Variants in KCNC3 observed in about 807,000 individuals in gnomAD.
KCNC3 encodes voltage-gated potassium channel KCNC3.
In KCNC3, 22 loss-of-function variants were observed where a neutral mutation model predicts 43.9. The observed-to-expected ratio is 0.50, with a 90% CI of 0.36 to 0.72. The LOEUF (loss-of-function observed/expected upper bound fraction) is 0.72, where lower values mean the gene tolerates loss of function less well. Among genes scored for constraint, KCNC3 ranks in the 30% least tolerant of loss-of-function variants. KCNC3 has a pLI of 0.00. For synonymous variants in KCNC3, 492 were observed against 488.0 expected, an observed-to-expected ratio of 1.01 and a Z score of -0.11; for missense variants, 829 against 1,073.8, an observed-to-expected ratio of 0.77 and a Z score of 3.19.
upstream of KCNC3, among the ~76,000 whole-genome samples, chr19:50,332,899 C>T (rs1440647562): frequency 2.6e-5 from 4 of 152,156 alleles, no homozygotes; most frequent in Admixed American, 6.5e-5. This position sits in a 1 kb window ranked among gnomAD's most constrained non-coding sequence, Gnocchi z 5.8. Context: ...GGTCTTCCCT[C>T]CCTGACTTCT....
chr19:50,312,881 A>T lies in KCNC3; in HGVS notation c.*3234T>A, dbSNP rs916235663. On this transcript the variant is annotated 3_prime_UTR_variant, in exon 5 of 5. Transcript: ENST00000477616. ...CCTAGCCCTTTGCCCCGCCCCCACC[A>T]AAACCCGCCCCACCCCTCACCCCTG... 7.0e-6 allele frequency: 1 copy of T among 143,508 alleles called. No homozygotes were observed. Among genetic ancestry groups the T allele is most frequent in the Non-Finnish European group, 1.6e-5 (1 of 63,974 alleles). The allele number at this position is 143,508 out of a possible 1,614,324, so 8.9% of individuals were successfully genotyped here.
At chr19:50,330,393 G>C (rs2037173909), upstream of KCNC3, among the ~76,000 whole-genome samples, 1 of 152,148 alleles carries the variant, frequency 6.6e-6, no homozygotes, top group Non-Finnish European at 1.5e-5. Context: ...GCAGGGCTAA[G>C]GGAGGGTAGA....
rs943228315 is a variant in KCNC3 at position 50,315,020 on chromosome 19, G to T, written c.*1095C>A. 2 of 250,552 alleles carry T rather than the reference G, an allele frequency of 8.0e-6. No individual in the cohort carries two copies. The highest frequency in any genetic ancestry group is 1.7e-4 in the East Asian group (1 of 6,042). 15.5% of individuals were successfully genotyped at this position (250,552 alleles called of 1,614,324 possible). ...GGGGTGGGGAGGTGTGCAGACACAG[G>T]GGGGAAGCACGAAGATGGGGTGCAG... On this transcript the variant is annotated 3_prime_UTR_variant, in exon 5 of 5. Transcript: ENST00000477616.
intron 4 of KCNC3, among the ~76,000 whole-genome samples, chr19:50,317,085 T>A (rs983832067): frequency 9.8e-5 from 13 of 131,982 alleles, no homozygotes; most frequent in Non-Finnish European, 1.9e-4. Flanking sequence ...GGGGCCCCTC[T>A]AGACCTGGGG....
At chr19:50,320,818 G>T (rs376680289) in intron 2 of KCNC3, 34 bp from the exon 3 acceptor site, 2 of 1,607,374 alleles carry the variant, frequency 1.2e-6, no homozygotes, top group South Asian at 2.2e-5. Context: ...GAGAGACAAA[G>T]GAGAGAGTGA....
chr19:50,323,260 G>T lies in KCNC3; in HGVS notation c.1693C>A (p.Arg565=), dbSNP rs750349505. 4 of 1,603,126 alleles carry T rather than the reference G, an allele frequency of 2.5e-6. No individual in the cohort carries two copies. In the East Asian group the frequency reaches 6.7e-5, roughly 27 times the overall value. ...LPKKKNKHIP[R]PPQPGSPNYC... The stretch of plus-strand genomic sequence containing the variant: ...TTGGGCGAGCCCGGTTGCGGGGGCC[G>T]GGGGATGTGTTTGTTCTTCTTCTTG... Residue 565 remains arginine (R), a synonymous_variant, in exon 2 of 5, where the codon CGG becomes AGG. Transcript: ENST00000477616.
At chr19:50,322,684 C>A (rs1332479951) in intron 2 of KCNC3, among the ~76,000 whole-genome samples, 2 of 152,106 alleles carry the variant, frequency 1.3e-5, no homozygotes, top group African/African-American at 4.8e-5. Context: ...TCTCTCTGAG[C>A]CCCACGCTCC....
At chr19:50,330,029 G>C (rs975300553), upstream of KCNC3, among the ~76,000 whole-genome samples, 1 of 152,212 alleles carries the variant, frequency 6.6e-6, no homozygotes, top group African/African-American at 2.4e-5. Flanking sequence ...CACTTTGCGA[G>C]GCTGAGGTGG....
intron 1 of KCNC3, among the ~76,000 whole-genome samples, chr19:50,325,230 G>A (rs571633684): frequency 1.3e-5 from 2 of 152,272 alleles, no homozygotes; most frequent in South Asian, 2.1e-4. Flanking sequence ...TATGCAGAGG[G>A]GTGGGAGGGG....
At chr19:50,322,367 T>A (rs2037044570) in intron 2 of KCNC3, among the ~76,000 whole-genome samples, 2 of 152,148 alleles carry the variant, frequency 1.3e-5, no homozygotes, top group African/African-American at 4.8e-5. Context: ...AGGCCCTGGT[T>A]TCCGTTCTGC....
chr19:50,317,358 T>A (rs149310984), intron 4 of KCNC3, among the ~76,000 whole-genome samples: 17 of 152,124 alleles, frequency 1.1e-4, no homozygotes, highest in African/African-American at 3.9e-4. Flanking sequence ...TGAATGTCTG[T>A]GAAACACAGG....
chr19:50,318,475 A>G lies in KCNC3; in HGVS notation c.*23+1748T>C, dbSNP rs371792318. On this transcript the variant is annotated intron_variant, in intron 4 of 4. Transcript: ENST00000477616. ...CAGATGTGAGCCACCCCCGCCGCCC[A>G]GCCTTAATTGCTTATTTTCTGCTTC... Among the ~76,000 whole-genome samples, 92 of 152,196 alleles carry G rather than the reference A, an allele frequency of 6.0e-4. 1 individual carries two copies. In the South Asian group the frequency reaches 0.019, roughly 31 times the overall value.
rs1197796010 is a variant in KCNC3, at chr19:50,314,899, G to C, written c.*1216C>G. ...TCGGGGGAGCGCGGCGGGCGGCCCG[G>C]GGAGAGCCAGGGGGGGTGGCAAGGG... On this transcript the variant is annotated 3_prime_UTR_variant, in exon 5 of 5. Transcript: ENST00000477616. 9.8e-6 allele frequency: 3 copies of C among 305,516 alleles called. No individual in the cohort carries two copies. Among genetic ancestry groups the C allele is most frequent in the African/African-American group, 2.3e-5 (1 of 42,714 alleles). 18.9% of individuals were successfully genotyped at this position (305,516 alleles called of 1,614,324 possible).
Position 50,329,239 on chromosome 19 carries a change from T to C in KCNC3, c.-157A>G, listed in dbSNP as rs2037153240. The C allele has an allele frequency of 9.6e-6, 1 of 104,110 alleles. No individual in the cohort carries two copies. Among genetic ancestry groups the C allele is most frequent in the Non-Finnish European group, 1.9e-5 (1 of 53,718 alleles). 6.4% of individuals were successfully genotyped at this position (104,110 alleles called of 1,614,324 possible). A position where few individuals can be genotyped will look rare whatever the true frequency, so the allele number is the denominator to read the frequency against. ...GCCTGGGGGAGGTGGGGCGGGGCTG[T>C]GGCTGGGAGGAGTGGGGCGGGCACT... is the stretch of plus-strand genomic sequence containing the variant. On this transcript the variant is annotated 5_prime_UTR_variant, in exon 1 of 5. Coordinates refer to ENST00000477616, the MANE Select transcript of KCNC3 (RefSeq NM_004977.3).
Position 50,318,354 on chromosome 19 carries a change from T to C in KCNC3, c.*23+1869A>G, listed in dbSNP as rs549824885. Among the ~76,000 whole-genome samples the C allele has an allele frequency of 7.9e-4, 120 of 152,084 alleles. 3 individuals carry two copies. The Middle Eastern group carries it at 0.01, about 13-fold the overall frequency. On this transcript the variant is annotated intron_variant, in intron 4 of 4. Transcript: ENST00000477616. Reference sequence around the variant, plus strand: ...CACGCATGGCTAATTTTTGTATTTTTAGTAGAGATGGGGTTTCACCATGTT... The same window carrying C: ...CACGCATGGCTAATTTTTGTATTTTCAGTAGAGATGGGGTTTCACCATGTT...
chr19:50,323,123 G>C lies in KCNC3; in HGVS notation c.1830C>G (p.Ala610=). 4 of 1,536,334 alleles carry C rather than the reference G, an allele frequency of 2.6e-6. No individual in the cohort carries two copies. Among genetic ancestry groups the C allele is most frequent in the Non-Finnish European group, 2.6e-6 (3 of 1,144,502 alleles). The change falls in exon 2 of 5, where the codon GCC becomes GCG. Residue 610 remains alanine, a synonymous_variant. Coordinates refer to ENST00000477616, the MANE Select transcript of KCNC3 (RefSeq NM_004977.3). ...ITPPSMGVTV[A]GAYPAGPHTH... is the part of the protein sequence containing the mutation. ...TGTGGGGCCCCGCTGGGTAGGCCCC[G>C]GCCACAGTCACCCCCATGGAGGGTG...
intron 4 of KCNC3, among the ~76,000 whole-genome samples, chr19:50,316,937 A>G (rs951220818): frequency 2.0e-5 from 3 of 152,062 alleles, no homozygotes; most frequent in Non-Finnish European, 2.9e-5. Flanking sequence ...CAACCCCATC[A>G]GCTCCAGCCA....
rs987497089 is a variant in KCNC3 at position 50,314,016 on chromosome 19, G to A, written c.*2099C>T. On this transcript the variant is annotated 3_prime_UTR_variant, in exon 5 of 5. Coordinates refer to ENST00000477616, the MANE Select transcript of KCNC3 (RefSeq NM_004977.3). ...CATGTCCTGGGAATGGAGGGAGATA[G>A]TCGGGGAATTTCGTGTGCTAGGGCC... 1 of 152,176 alleles carries A rather than the reference G, an allele frequency of 6.6e-6. No individual in the cohort carries two copies. Among genetic ancestry groups the A allele is most frequent in the Non-Finnish European group, 1.5e-5 (1 of 68,086 alleles). The allele number at this position is 152,176 out of a possible 1,614,324, so 9.4% of individuals were successfully genotyped here. A position where few individuals can be genotyped will look rare whatever the true frequency, so the allele number is the denominator to read the frequency against.
chr19:50,330,349 G>A (rs1192740456), upstream of KCNC3, among the ~76,000 whole-genome samples: 2 of 152,136 alleles, frequency 1.3e-5, no homozygotes, highest in African/African-American at 4.8e-5. Flanking sequence ...GGGGCTTGAG[G>A]GTCTTGAAAG....
Sources: allele counts gnomAD v4.1 joint callset (sites outside exome capture counted in the v4.1 genomes callset), GRCh38; gene constraint gnomAD v4.1.1; non-coding constraint Gnocchi (gnomAD v3.1); transcripts MANE v1.5; gene names NCBI Gene and HGNC (gene_info 2026-07-23, HGNC 2026-07-21).